The following AFF1 variants were observed in gnomAD, a reference collection of about 807,000 sequenced individuals.
AFF1 encodes ALF transcription elongation factor 1.
AFF1 carries 48 observed loss-of-function variants against 121.7 expected under a neutral mutation model. That is an observed-to-expected ratio of 0.39 (90% CI 0.31 to 0.50). The LOEUF (loss-of-function observed/expected upper bound fraction) is 0.50. Ranked by LOEUF, AFF1 falls within the 20% of genes least tolerant of loss-of-function variation. AFF1 has a pLI of 0.76. For missense variants in AFF1, 1,523 were observed against 1,511.7 expected, an observed-to-expected ratio of 1.01 and a Z score of -0.12; for synonymous variants, 613 against 563.0, an observed-to-expected ratio of 1.09 and a Z score of -1.26.
intron 2 of AFF1, among the ~76,000 whole-genome samples, chr4:87,043,119 A>G (rs1421701668): frequency 2.6e-5 from 4 of 152,164 alleles, no homozygotes; most frequent in Admixed American, 2.6e-4. Context: ...CTCTGAGACA[A>G]AGGTAGCATT....
At chr4:87,108,707 A>G (rs1348999133) in intron 11 of AFF1, among the ~76,000 whole-genome samples, 2 of 152,250 alleles carry the variant, frequency 1.3e-5, no homozygotes, top group African/African-American at 4.8e-5. Flanking sequence ...TTAGAAATGC[A>G]TGAATTAAAG....
intron 1 of AFF1, among the ~76,000 whole-genome samples, chr4:86,941,783 G>C (rs185452976): frequency 6.6e-6 from 1 of 152,262 alleles, no homozygotes; most frequent in Admixed American, 6.5e-5. Context: ...GTGGTGAGCT[G>C]AGATCCTGCC....
intron 2 of AFF1, among the ~76,000 whole-genome samples, chr4:86,963,418 G>A (rs1299614277): frequency 6.6e-6 from 1 of 152,046 alleles, no homozygotes; most frequent in African/African-American, 2.4e-5. Context: ...AAGAAAAACT[G>A]GTACCATGGG....
rs1002386717 is a variant in AFF1 at position 87,028,019 on chromosome 4, A to G, written c.39-18147A>G. On this transcript the variant is annotated intron_variant, in intron 2 of 20. Coordinates refer to ENST00000395146, the MANE Select transcript of AFF1 (RefSeq NM_001166693.3). ...ACTCTAAGGAAGTGCTTATTGGAGCATTTTATTTTTCAGATTTTAAGATTA... is the reference window on the plus strand; with the variant it reads ...ACTCTAAGGAAGTGCTTATTGGAGCGTTTTATTTTTCAGATTTTAAGATTA... 1.1e-4 allele frequency among the ~76,000 whole-genome samples: 17 copies of G among 151,992 alleles called. 1 individual carries two copies. The highest frequency in any genetic ancestry group is 4.4e-5 in the Non-Finnish European group (3 of 67,996).
intron 4 of AFF1, among the ~76,000 whole-genome samples, chr4:87,078,604 GC>G (rs987107734): frequency 1.3e-5 from 2 of 152,204 alleles, no homozygotes; most frequent in African/African-American, 4.8e-5. Flanking sequence ...GCAACCTGAA[GC>G]TTTAGTAGGA....
intron 2 of AFF1, among the ~76,000 whole-genome samples, chr4:87,022,744 G>A (rs9684838): frequency 6.7e-6 from 1 of 149,266 alleles, no homozygotes; most frequent in African/African-American, 2.5e-5. Flanking sequence ...ATCTGTGTGT[G>A]TGTATATATA....
chr4:87,050,768 A>G (rs1319955354), intron 4 of AFF1, among the ~76,000 whole-genome samples: 2 of 152,210 alleles, frequency 1.3e-5, no homozygotes, highest in South Asian at 2.1e-4. Context: ...ATCTGAGGCC[A>G]GGCCCAGAAC....
rs371199846 is a variant in AFF1 at position 86,991,854 on chromosome 4, T to TC, written c.38+43283_38+43284insC. On this transcript the variant is annotated intron_variant, in intron 2 of 20. Coordinates refer to ENST00000395146, the MANE Select transcript of AFF1 (RefSeq NM_001166693.3). Reference sequence around the variant, plus strand: ...AATTGCTTTTTTTTTTTTTTTTTTTTACATCCTTTTCCATTATTGAAATAT... The same window carrying TC: ...AATTGCTTTTTTTTTTTTTTTTTTTTCACATCCTTTTCCATTATTGAAATAT... 2.0e-5 allele frequency among the ~76,000 whole-genome samples: 3 copies of TC among 148,572 alleles called. No homozygotes were observed. In the South Asian group the frequency reaches 6.3e-4, roughly 31 times the overall value.
At chr4:87,107,010 A>G (rs890186333) in intron 10 of AFF1, among the ~76,000 whole-genome samples, 4 of 152,198 alleles carry the variant, frequency 2.6e-5, no homozygotes, top group Non-Finnish European at 5.9e-5. Context: ...GAAGAGACCA[A>G]GCGGGGGTAC....
At chr4:86,984,675 C>G (rs1481391271) in intron 2 of AFF1, among the ~76,000 whole-genome samples, 1 of 152,112 alleles carries the variant, frequency 6.6e-6, no homozygotes, top group African/African-American at 2.4e-5. Context: ...GTGGTTTAAG[C>G]TTGTTATCCC....
chr4:87,127,045 C>T lies in AFF1; in HGVS notation c.2831C>T (p.Ala944Val). 1 of 1,613,720 alleles carries T rather than the reference C, an allele frequency of 6.2e-7. No individual in the cohort carries two copies. The highest frequency in any genetic ancestry group is 8.5e-7 in the Non-Finnish European group (1 of 1,179,880). ...TTGAAGGGTTCTTCCGGAGATACTG[C>T]AAATCCTTTTCCAGTGCCTTCTTTG... ...SEHKGSSGDT[A>V]NPFPVPSLPN... The change falls in exon 15 of 21, where the codon GCA becomes GTA. Residue 944 changes from alanine (A) to valine (V), a missense_variant. Physicochemically the swap from Ala to Val is moderately conservative, Grantham distance 64. Coordinates refer to ENST00000395146, the MANE Select transcript of AFF1 (RefSeq NM_001166693.3).
At chr4:87,117,652 CAG>C (rs1727261169) in intron 12 of AFF1, among the ~76,000 whole-genome samples, 1 of 152,192 alleles carries the variant, frequency 6.6e-6, no homozygotes, top group African/African-American at 2.4e-5. Context: ...TCTAGGCAAA[CAG>C]AATTCCTGGC....
chr4:86,956,989 T>G (rs1721787985), intron 2 of AFF1, among the ~76,000 whole-genome samples: 1 of 152,218 alleles, frequency 6.6e-6, no homozygotes, highest in African/African-American at 2.4e-5. Flanking sequence ...TGGGGTCACT[T>G]TTGTTTATTT....
intron 2 of AFF1, among the ~76,000 whole-genome samples, chr4:86,955,213 T>C (rs1291703828): frequency 6.6e-6 from 1 of 152,220 alleles, no homozygotes; most frequent in East Asian, 1.9e-4. Flanking sequence ...ATTATTTACA[T>C]TGTTTTGATT....
chr4:86,962,145 CTTTT>C (rs3035474), intron 2 of AFF1, among the ~76,000 whole-genome samples: 15 of 122,566 alleles, frequency 1.2e-4, no homozygotes, highest in Non-Finnish European at 2.1e-4. Flanking sequence ...GTTATTGTTT[CTTTT>C]TTTTTTTTTT....
chr4:87,124,138 G>T (rs952963577), intron 12 of AFF1, among the ~76,000 whole-genome samples: 2 of 152,200 alleles, frequency 1.3e-5, no homozygotes, highest in Non-Finnish European at 2.9e-5. Flanking sequence ...GACTTTCATC[G>T]TGGAAGAATT....
At chr4:86,959,530 G>T (rs1721997632) in intron 2 of AFF1, among the ~76,000 whole-genome samples, 1 of 148,444 alleles carries the variant, frequency 6.7e-6, no homozygotes, top group Non-Finnish European at 1.5e-5. Flanking sequence ...GACTGGTAGA[G>T]ATGGGGGAAA....
intron 2 of AFF1, among the ~76,000 whole-genome samples, chr4:86,999,412 G>A (rs1008788097): frequency 1.3e-5 from 2 of 152,130 alleles, no homozygotes; most frequent in African/African-American, 2.4e-5. Context: ...AGACCCTAGA[G>A]GCAGCTAAGT....
intron 7 of AFF1, among the ~76,000 whole-genome samples, chr4:87,092,229 G>A (rs1724386951): frequency 6.6e-6 from 1 of 152,188 alleles, no homozygotes; most frequent in Non-Finnish European, 1.5e-5. Flanking sequence ...GTTGCAGTGA[G>A]CCAAGATTGT....
Sources: gnomAD v4.1 joint callset for allele counts (sites outside exome capture counted in the v4.1 genomes callset) on GRCh38, gnomAD v4.1.1 for gene constraint, MANE v1.5 for transcripts, NCBI Gene and HGNC (gene_info 2026-07-23, HGNC 2026-07-21) for gene names.